The following CFAP44 variants were observed in gnomAD, a reference collection of about 807,000 sequenced individuals.
CFAP44 encodes cilia- and flagella-associated protein 44.
A neutral mutation model predicts 216.2 loss-of-function variants in CFAP44; 134 were observed. The observed-to-expected ratio is 0.62, with a 90% CI of 0.54 to 0.72. CFAP44 has a LOEUF of 0.72. Ranked by LOEUF, CFAP44 falls within the 30% of genes least tolerant of loss-of-function variation. The pLI is 0.00. For synonymous variants in CFAP44, 700 were observed against 727.6 expected (o/e 0.96, Z 0.61); for missense variants, 2,035 against 2,182.1 (o/e 0.93, Z 1.34).
intron 28 of CFAP44, among the ~76,000 whole-genome samples, chr3:113,314,155 T>A (rs1950066324): frequency 3.3e-5 from 5 of 152,098 alleles, no homozygotes; most frequent in Admixed American, 3.3e-4. Flanking sequence ...ACTTCCCTAA[T>A]TTGACAAAAG....
chr3:113,329,238 C>T (rs1265755843), intron 26 of CFAP44, among the ~76,000 whole-genome samples: 4 of 152,070 alleles, frequency 2.6e-5, no homozygotes, highest in African/African-American at 7.2e-5. Context: ...AGTTTAGAAA[C>T]AAGGACAGCA....
At chr3:113,435,837 A>G (rs1220696769) in intron 1 of CFAP44, among the ~76,000 whole-genome samples, 2 of 149,588 alleles carry the variant, frequency 1.3e-5, no homozygotes, top group Admixed American at 1.3e-4. Flanking sequence ...ATAATGTTTT[A>G]CTTTTTAAAA....
At chr3:113,432,259 A>C (rs560955861) in intron 2 of CFAP44, 1 of 152,324 alleles carries the variant, frequency 6.6e-6, no homozygotes, top group African/African-American at 2.4e-5. Context: ...GACAGCTCTT[A>C]AGGAACTTAG....
chr3:113,295,002 TAA>T (rs1553751175), intron 33 of CFAP44, among the ~76,000 whole-genome samples, 181 bp from the exon 34 acceptor site: 1 of 16,830 alleles, frequency 5.9e-5, no homozygotes, highest in Non-Finnish European at 2.2e-4. Context: ...TGATTAAAGA[TAA>T]GAATATAAGT....
chr3:113,394,179 G>C (rs1470933992), intron 15 of CFAP44, among the ~76,000 whole-genome samples: 1 of 152,146 alleles, frequency 6.6e-6, no homozygotes, highest in Non-Finnish European at 1.5e-5. Context: ...CATTAGTATA[G>C]AATGTGTGTA....
chr3:113,437,893 T>C (rs1056461545), intron 1 of CFAP44, among the ~76,000 whole-genome samples: 11 of 152,222 alleles, frequency 7.2e-5, no homozygotes, highest in African/African-American at 2.7e-4. Context: ...TTCACATCCC[T>C]GCTTGCCCAA....
intron 24 of CFAP44, among the ~76,000 whole-genome samples, chr3:113,340,948 C>T (rs1950327436): frequency 6.6e-6 from 1 of 152,200 alleles, no homozygotes; most frequent in African/African-American, 2.4e-5. Flanking sequence ...TTGGGCCACT[C>T]GGCAGCCCCA....
rs181178081 is a variant in CFAP44, at chr3:113,351,177, A to G, written c.3066-6465T>C. 4.8e-4 allele frequency among the ~76,000 whole-genome samples: 73 copies of G among 152,354 alleles called. 1 individual carries two copies. In the East Asian group the frequency reaches 0.013, roughly 27 times the overall value. On this transcript the variant is annotated intron_variant, in intron 22 of 34. Transcript: ENST00000393845. The stretch of plus-strand genomic sequence containing the variant: ...CCATCTATACAAATTCTAAGTTAAT[A>G]TGGACTGAACGAGATCTTATTAATA...
At chr3:113,391,540 A>G (rs59911537) in intron 15 of CFAP44, among the ~76,000 whole-genome samples, 6,614 of 152,228 alleles carry the variant, frequency 0.043, 225 homozygotes, top group African/African-American at 0.087. Flanking sequence ...GAAGACATCA[A>G]TAAAGTGAAG....
chr3:113,380,372 T>A (rs1933474274), intron 16 of CFAP44, among the ~76,000 whole-genome samples: 1 of 152,168 alleles, frequency 6.6e-6, no homozygotes. Context: ...CTCTGCATTC[T>A]CTTGGGATGT....
intron 28 of CFAP44, among the ~76,000 whole-genome samples, chr3:113,312,511 A>C (rs1370612030): frequency 6.6e-6 from 1 of 152,166 alleles, no homozygotes; most frequent in Non-Finnish European, 1.5e-5. Context: ...AATTTGCATA[A>C]GTAAATTGAG....
intron 13 of CFAP44, among the ~76,000 whole-genome samples, chr3:113,397,506 T>A (rs1247288309): frequency 2.6e-5 from 4 of 152,174 alleles, no homozygotes; most frequent in Non-Finnish European, 5.9e-5. Flanking sequence ...ATGGTCAGAT[T>A]TGCTCATTTT....
chr3:113,322,563 C>A (rs186894118), intron 28 of CFAP44, among the ~76,000 whole-genome samples: 2 of 152,110 alleles, frequency 1.3e-5, no homozygotes, highest in Non-Finnish European at 1.5e-5. Flanking sequence ...GTCAGAATAA[C>A]TATTATTAAA....
intron 32 of CFAP44, among the ~76,000 whole-genome samples, chr3:113,303,277 A>C (rs1280063294): frequency 6.6e-6 from 1 of 152,230 alleles, no homozygotes. Flanking sequence ...GTGTACAAGA[A>C]GGTTTCCTGT....
chr3:113,311,640 G>C (rs963680452), intron 28 of CFAP44, among the ~76,000 whole-genome samples: 5 of 152,168 alleles, frequency 3.3e-5, no homozygotes, highest in Non-Finnish European at 7.3e-5. Flanking sequence ...GGAACCAGTA[G>C]AGTGGGGCGC....
intron 28 of CFAP44, among the ~76,000 whole-genome samples, chr3:113,324,749 T>C (rs1950175131): frequency 6.6e-6 from 1 of 152,128 alleles, no homozygotes; most frequent in African/African-American, 2.4e-5. Context: ...GAAATAGGCA[T>C]CCTGATCAGA....
chr3:113,418,036 TTTAA>T (rs1474429216), intron 5 of CFAP44, among the ~76,000 whole-genome samples: 1 of 150,636 alleles, frequency 6.6e-6, no homozygotes, highest in South Asian at 2.1e-4. Context: ...GTTTTATTTA[TTTAA>T]TTATTTATTG....
chr3:113,331,607 G>A (rs1205260757), intron 25 of CFAP44, among the ~76,000 whole-genome samples: 1 of 149,998 alleles, frequency 6.7e-6, no homozygotes, highest in Non-Finnish European at 1.5e-5. Context: ...AAACTCAAAA[G>A]CCAGCAGTTG....
intron 17 of CFAP44, among the ~76,000 whole-genome samples, chr3:113,377,777 C>T (rs955829425): frequency 1.3e-5 from 2 of 152,076 alleles, no homozygotes; most frequent in African/African-American, 2.4e-5. Flanking sequence ...CTTGGCCTCC[C>T]GAGTAGCTGG....
Sources: allele counts gnomAD v4.1 joint callset (sites outside exome capture counted in the v4.1 genomes callset), GRCh38; gene constraint gnomAD v4.1.1; transcripts MANE v1.5; gene names NCBI Gene and HGNC (gene_info 2026-07-23, HGNC 2026-07-21).